The following FCGR3A variants were observed in gnomAD, a reference collection of about 807,000 sequenced individuals.
FCGR3A encodes low affinity immunoglobulin gamma Fc region receptor III-A.
In FCGR3A, 13 loss-of-function variants were observed where a neutral mutation model predicts 24.1. The ratio of observed to expected loss-of-function variants is 0.54; its 90% CI spans 0.35 to 0.86. The LOEUF is 0.86. Ranked by LOEUF, FCGR3A falls within the 40% of genes least tolerant of loss-of-function variation. FCGR3A has a pLI of 0.01. For missense variants in FCGR3A, 235 were observed against 298.0 expected (o/e 0.79, Z 1.56); for synonymous variants, 93 against 112.2 (o/e 0.83, Z 1.08).
chr1:161,549,091 A>G, intron 1 of FCGR3A, 60 bp from the exon 2 acceptor site: 1 of 1,472,634 alleles, frequency 6.8e-7, no homozygotes. Flanking sequence ...TGATTAGAAC[A>G]TAGAGTGAGT....
intron 3 of FCGR3A, among the ~76,000 whole-genome samples, chr1:161,547,130 C>G (rs1380617782): frequency 1.3e-5 from 2 of 151,554 alleles, no homozygotes; most frequent in African/African-American, 2.4e-5. Context: ...AACTCTTAGA[C>G]TTGATTTTTC....
intron 3 of FCGR3A, among the ~76,000 whole-genome samples, chr1:161,547,794 G>A (rs1197225300): frequency 6.6e-6 from 1 of 152,294 alleles, no homozygotes; most frequent in African/African-American, 2.4e-5. Flanking sequence ...TATTGGCCAG[G>A]TGTGGTGGCT....
chr1:161,544,850 T>A lies in FCGR3A; in HGVS notation c.428A>T (p.Gln143Leu), dbSNP rs1021867025. The A allele has an allele frequency of 6.2e-6, 10 of 1,613,840 alleles. No individual in the cohort carries two copies. Among genetic ancestry groups the A allele is most frequent in the African/African-American group, 2.7e-5 (2 of 74,886 alleles). The change falls in exon 4 of 5, where the codon CAG becomes CTG. Residue 143 changes from glutamine (Q) to leucine (L), a missense_variant. Coordinates refer to ENST00000443193, the MANE Select transcript of FCGR3A (RefSeq NM_000569.8). ...AAAATACTTCCTGCCTTTGCCATTC[T>A]GTAAATATGTGACCTTATGCAGAGC... is the stretch of plus-strand genomic sequence containing the variant. Reference protein sequence around the residue: ...NTALHKVTYLQNGKGRKYFHH... With the variant: ...NTALHKVTYLLNGKGRKYFHH...
rs17853189 is a variant in FCGR3A, at chr1:161,543,194, C to A, written c.583G>T (p.Ala195Ser). Reference sequence around the variant, plus strand: ...AAGAATGATGAGATGGTTGACACTGCCAAACCTATTAGGAGAAGTGGAGAG... The same window carrying A: ...AAGAATGATGAGATGGTTGACACTGACAAACCTATTAGGAGAAGTGGAGAG... ...TVNITITQGL[A>S]VSTISSFFPP... The change falls in exon 5 of 5, where the codon GCA becomes TCA. Residue 195 changes from alanine (A) to serine (S), a missense_variant. Coordinates refer to ENST00000443193, the MANE Select transcript of FCGR3A (RefSeq NM_000569.8). 8.7e-6 allele frequency: 14 copies of A among 1,612,350 alleles called. No individual in the cohort carries two copies. The highest frequency in any genetic ancestry group is 1.2e-5 in the Non-Finnish European group (14 of 1,179,190).
At chr1:161,547,700 A>G (rs1677489476) in intron 3 of FCGR3A, among the ~76,000 whole-genome samples, 1 of 152,242 alleles carries the variant, frequency 6.6e-6, no homozygotes, top group Non-Finnish European at 1.5e-5. Flanking sequence ...TTGCTTTGGG[A>G]GGTGGCTTAG....
chr1:161,543,188 A>C lies in FCGR3A; in HGVS notation c.589T>G (p.Ser197Ala), dbSNP rs368814629. The C allele has an allele frequency of 1.2e-6, 2 of 1,613,114 alleles. No homozygotes were observed. The highest frequency in any genetic ancestry group is 8.5e-7 in the Non-Finnish European group (1 of 1,179,500). ...NITITQGLAV[S>A]TISSFFPPGY... ...GGTGGAAAGAATGATGAGATGGTTG[A>C]CACTGCCAAACCTATTAGGAGAAGT... is the stretch of plus-strand genomic sequence containing the variant. The change falls in exon 5 of 5, where the codon TCA (serine) becomes GCA (alanine). Residue 197 changes from serine to alanine, a missense_variant. Transcript: ENST00000443193.
In FCGR3A at chr1:161,549,679, A is replaced by G; in HGVS notation, c.40+18T>C. 6.2e-7 allele frequency: 1 copy of G among 1,613,350 alleles called. No individual in the cohort carries two copies. Among genetic ancestry groups the G allele is most frequent in the Non-Finnish European group, 8.5e-7 (1 of 1,179,690 alleles). The stretch of plus-strand genomic sequence containing the variant: ...GGCATCTCAAACTTCTCCCTCAACC[A>G]GGGAGACCCTGACTTACCTAGAAGT... On this transcript the variant is annotated intron_variant, in intron 1 of 4. Coordinates refer to ENST00000443193, the MANE Select transcript of FCGR3A (RefSeq NM_000569.8).
At chr1:161,544,593 A>G in intron 4 of FCGR3A, 108 bp downstream of exon 4, 1 of 1,269,274 alleles carries the variant, frequency 7.9e-7, no homozygotes, top group Non-Finnish European at 1.1e-6. Context: ...CCACATATGA[A>G]GAAGTGCGTG....
chr1:161,549,009 A>G lies in FCGR3A; in HGVS notation c.61+2T>C. ...CAATCCAAGACCATGAAGCTGACTCACCAGTCCGCATGCCAGCTGAAACTG... is the reference window on the plus strand; with the variant it reads ...CAATCCAAGACCATGAAGCTGACTCGCCAGTCCGCATGCCAGCTGAAACTG... On this transcript the variant is annotated splice_donor_variant, in intron 2 of 4. Transcript: ENST00000443193. LOFTEE classifies it high-confidence loss of function. 6.3e-7 allele frequency: 1 copy of G among 1,599,548 alleles called. No homozygotes were observed. Among genetic ancestry groups the G allele is most frequent in the East Asian group, 2.2e-5 (1 of 44,858 alleles).
At chr1:161,550,104 G>A (rs1572026208), upstream of FCGR3A, 2 of 550,656 alleles carry the variant, frequency 3.6e-6, no homozygotes, top group South Asian at 5.1e-5. Context: ...CACCAAGAAT[G>A]GGACAGTGAG....
intron 4 of FCGR3A, among the ~76,000 whole-genome samples, chr1:161,543,623 C>T (rs891149649): frequency 6.6e-5 from 10 of 151,930 alleles, no homozygotes; most frequent in East Asian, 1.9e-4. Flanking sequence ...AGTTTAATCT[C>T]GTATATCCTT....
At position 161,544,923 on chromosome 1, in the gene FCGR3A, T is replaced by C. The variant is rs1677316916; in HGVS notation, c.355A>G (p.Lys119Glu). 1 of 1,612,346 alleles carries C rather than the reference T, an allele frequency of 6.2e-7. No homozygotes were observed. The highest frequency in any genetic ancestry group is 8.5e-7 in the Non-Finnish European group (1 of 1,178,876). The change falls in exon 4 of 5, where the codon AAG becomes GAG. Residue 119 changes from lysine (K) to glutamate (E), a missense_variant. Coordinates refer to ENST00000443193, the MANE Select transcript of FCGR3A (RefSeq NM_000569.8). ...LLLQAPRWVF[K>E]EEDPIHLRCH... ...CTCAGGTGAATAGGGTCTTCCTCCT[T>C]GAACACCCACCGAGGGGCCTGGAGC...
At chr1:161,549,884 T>G (rs1557859104), upstream of FCGR3A, 1 of 1,605,340 alleles carries the variant, frequency 6.2e-7, no homozygotes, top group African/African-American at 1.3e-5. Context: ...AAACTTCATC[T>G]GACTTCTCAG....
intron 3 of FCGR3A, among the ~76,000 whole-genome samples, chr1:161,547,624 C>G (rs1677485055): frequency 6.6e-6 from 1 of 152,162 alleles, no homozygotes; most frequent in African/African-American, 2.4e-5. Context: ...CAAATTTATG[C>G]TTAATTATAG....
chr1:161,547,473 G>C (rs1298524871), intron 3 of FCGR3A, among the ~76,000 whole-genome samples: 1 of 152,126 alleles, frequency 6.6e-6, no homozygotes, highest in African/African-American at 2.4e-5. Context: ...GGGACACCAG[G>C]AAAGACCTCT....
intron 3 of FCGR3A, chr1:161,545,549 G>C (rs1480276939): frequency 6.5e-6 from 1 of 153,340 alleles, no homozygotes; most frequent in Non-Finnish European, 1.5e-5. Flanking sequence ...GGTTTCTAAG[G>C]TGTCACAGGG....
chr1:161,545,694 C>T (rs1017784971), intron 3 of FCGR3A: 1 of 151,876 alleles, frequency 6.6e-6, no homozygotes, highest in African/African-American at 2.4e-5. Context: ...ATTCTTATAT[C>T]GCCAGAGCTT....
chr1:161,543,805 G>A (rs995676463), intron 4 of FCGR3A, among the ~76,000 whole-genome samples: 2 of 152,248 alleles, frequency 1.3e-5, no homozygotes, highest in African/African-American at 4.8e-5. Flanking sequence ...CTTTCTACAT[G>A]CAAATTGTTT....
At position 161,543,142 on chromosome 1, in the gene FCGR3A, C is replaced by A. The variant is rs751496714; in HGVS notation, c.635G>T (p.Cys212Phe). 6.2e-7 allele frequency: 1 copy of A among 1,613,250 alleles called. No homozygotes were observed. The stretch of plus-strand genomic sequence containing the variant: ...TGCAAAAAGGAGTACCATCACCAAG[C>A]AGAAAGAGACTTGGTACCCAGGTGG... ...FFPPGYQVSF[C>F]LVMVLLFAVD... is the part of the protein sequence containing the mutation. The change falls in exon 5 of 5, where the codon TGC becomes TTC. Residue 212 changes from cysteine to phenylalanine, a missense_variant. By Grantham distance (205) the Cys-to-Phe change is radical. Coordinates refer to ENST00000443193, the MANE Select transcript of FCGR3A (RefSeq NM_000569.8).
Sources: gnomAD v4.1 joint callset for allele counts (sites outside exome capture counted in the v4.1 genomes callset) on GRCh38, gnomAD v4.1.1 for gene constraint, MANE v1.5 for transcripts, NCBI Gene and HGNC (gene_info 2026-07-23, HGNC 2026-07-21) for gene names.